The following SIRT3 variants were observed in gnomAD, a reference collection of about 807,000 sequenced individuals.
SIRT3 encodes sirtuin 3.
Under a neutral mutation model 33.5 loss-of-function variants are expected in SIRT3, and 26 were observed. The observed-to-expected ratio is 0.78, with a 90% CI of 0.57 to 1.08. The LOEUF (loss-of-function observed/expected upper bound fraction) is 1.08. Ranked by LOEUF, SIRT3 falls within the 50% of genes least tolerant of loss-of-function variation. The pLI, the probability that SIRT3 is intolerant of heterozygous loss-of-function variation, is 0.00. For missense variants in SIRT3, 585 were observed against 530.1 expected (o/e 1.10, Z -1.02); for synonymous variants, 237 against 222.1 (o/e 1.07, Z -0.60).
At chr11:233,563 A>G (rs1858419180) in intron 1 of SIRT3, 29 bp from the exon 2 acceptor site, 2 of 1,609,706 alleles carry the variant, frequency 1.2e-6, no homozygotes, top group East Asian at 4.5e-5. Flanking sequence ...GCAGCAAAGG[A>G]AACAGATAGC....
chr11:220,190 C>T (rs1211395520), intron 5 of SIRT3, among the ~76,000 whole-genome samples: 3 of 151,782 alleles, frequency 2.0e-5, no homozygotes, highest in Non-Finnish European at 4.4e-5. Flanking sequence ...CTTAGCTGGG[C>T]GTGGTGGCAC....
chr11:231,870 G>GCCAGGAAACTGCT (rs148370769), intron 3 of SIRT3, among the ~76,000 whole-genome samples: 1 of 150,746 alleles, frequency 6.6e-6, no homozygotes, highest in Admixed American at 6.6e-5. Flanking sequence ...CTCTCCGGGA[G>GCCAGGAAACTGCT]CCTGGCTCCC....
rs199653122 is a variant in SIRT3, at chr11:216,494, G to C, written c.*204C>G. ...AGGCAGCTCCTTTGTATATGTGACG[G>C]GGTGGCCCTGACTGTAAACACAGCC... On this transcript the variant is annotated 3_prime_UTR_variant, in exon 7 of 7. Coordinates refer to ENST00000382743, the MANE Select transcript of SIRT3 (RefSeq NM_012239.6). 1 of 603,316 alleles carries C rather than the reference G, an allele frequency of 1.7e-6. No homozygotes were observed. The highest frequency in any genetic ancestry group is 1.8e-5 in the African/African-American group (1 of 54,132). The allele number at this position is 603,316 out of a possible 1,614,324, so 37.4% of individuals were successfully genotyped here.
At chr11:221,659 A>G (rs6421986) in intron 5 of SIRT3, among the ~76,000 whole-genome samples, 118,737 of 152,216 alleles carry the variant, frequency 0.78, 46,528 homozygotes, top group African/African-American at 0.85. Context: ...CACAAAGCAC[A>G]TGAGATAGAG....
At chr11:236,417 C>CA, upstream of SIRT3, 1 of 910,770 alleles carries the variant, frequency 1.1e-6, no homozygotes, top group Non-Finnish European at 1.3e-6. Flanking sequence ...CCCCGGCGCC[C>CA]CAGCCCCGCC....
At chr11:232,339 G>A (rs572855) in intron 3 of SIRT3, among the ~76,000 whole-genome samples, 2,467 of 151,958 alleles carry the variant, frequency 0.016, 69 homozygotes, top group African/African-American at 0.056. Context: ...GGCTGGTCTC[G>A]AACTCCCGAC....
rs868391020 is a variant in SIRT3 at position 224,116 on chromosome 11, T to C, written c.931A>G (p.Met311Val). 1 of 1,614,156 alleles carries C rather than the reference T, an allele frequency of 6.2e-7. No homozygotes were observed. The highest frequency in any genetic ancestry group is 8.5e-7 in the Non-Finnish European group (1 of 1,180,046). The stretch of plus-strand genomic sequence containing the variant: ...CCAAGGATGAGCAGCAGATCTGCCA[T>C]GGGGAAATCAACCACATGCAGCAAG... The part of the protein sequence containing the change: ...RFLLHVVDFP[M>V]ADLLLILGTS... The change falls in exon 5 of 7, where the codon ATG (methionine) becomes GTG (valine). Residue 311 changes from methionine (M) to valine (V), a missense_variant. Met to Val is a conservative substitution (Grantham distance 21). Transcript: ENST00000382743.
At position 223,567 on chromosome 11, in the gene SIRT3, G is replaced by A. The variant is rs1378477012; in HGVS notation, c.969+511C>T. The A allele has an allele frequency of 2.4e-6, 1 of 410,318 alleles. No individual in the cohort carries two copies. Among genetic ancestry groups the A allele is most frequent in the East Asian group, 6.2e-5 (1 of 16,142 alleles). 25.4% of individuals were successfully genotyped at this position (410,318 alleles called of 1,614,324 possible). A position where few individuals can be genotyped will look rare whatever the true frequency, so the allele number is the denominator to read the frequency against. On this transcript the variant is annotated intron_variant, in intron 5 of 6. Transcript: ENST00000382743. This position sits in a 1 kb window ranked among gnomAD's most constrained non-coding sequence, Gnocchi z 4.8. ...TATCACTCCTCCCACTGCAGCATCAGTATTCCTGATCTGACCTGGGAGGCC... is the reference window on the plus strand; with the variant it reads ...TATCACTCCTCCCACTGCAGCATCAATATTCCTGATCTGACCTGGGAGGCC...
chr11:236,122 C>T lies in SIRT3; in HGVS notation c.207G>A (p.Arg69=), dbSNP rs763367247. Reference sequence around the variant, plus strand: ...CCCTGGGCACCTCGGGTCTGGGAGGCCTCTGCAAGGGGCGCGCCGGGTCCA... The same window carrying T: ...CCCTGGGCACCTCGGGTCTGGGAGGTCTCTGCAAGGGGCGCGCCGGGTCCA... ...EPLDPARPLQ[R]PPRPEVPRAF... is the part of the protein sequence containing the mutation. The change falls in exon 1 of 7, where the codon AGG becomes AGA. Residue 69 remains arginine (R), a synonymous_variant. Coordinates refer to ENST00000382743, the MANE Select transcript of SIRT3 (RefSeq NM_012239.6). The T allele has an allele frequency of 1.9e-6, 3 of 1,581,476 alleles. No individual in the cohort carries two copies. The highest frequency in any genetic ancestry group is 2.6e-6 in the Non-Finnish European group (3 of 1,164,542).
intron 3 of SIRT3, among the ~76,000 whole-genome samples, chr11:231,163 G>A (rs928202057): frequency 2.0e-5 from 3 of 152,106 alleles, no homozygotes; most frequent in African/African-American, 7.2e-5. Context: ...ACCAGGCTGG[G>A]TGCAGTGGCT....
chr11:217,949 A>G (rs568272496), intron 6 of SIRT3, among the ~76,000 whole-genome samples: 2 of 152,328 alleles, frequency 1.3e-5, no homozygotes, highest in Non-Finnish European at 2.9e-5. Flanking sequence ...AAGTCTCACA[A>G]GATCTGATAG....
chr11:224,408 T>C (rs1303733842), intron 4 of SIRT3, among the ~76,000 whole-genome samples, 169 bp from the exon 5 acceptor site: 4 of 152,234 alleles, frequency 2.6e-5, no homozygotes, highest in Non-Finnish European at 4.4e-5. Flanking sequence ...TCATAGCTAA[T>C]TGTTTCACAG....
At chr11:218,528 C>T (rs1240367446) in intron 6 of SIRT3, among the ~76,000 whole-genome samples, 1 of 152,226 alleles carries the variant, frequency 6.6e-6, no homozygotes, top group Admixed American at 6.5e-5. Context: ...TAGAGGGACA[C>T]TGTTGGCTGC....
chr11:219,996 A>G (rs1376222869), intron 5 of SIRT3, among the ~76,000 whole-genome samples: 1 of 152,238 alleles, frequency 6.6e-6, no homozygotes, highest in East Asian at 1.9e-4. Context: ...TTATAAACAT[A>G]TAATTTATGA....
chr11:220,340 A>G (rs1446098447), intron 5 of SIRT3, among the ~76,000 whole-genome samples: 1 of 150,368 alleles, frequency 6.7e-6, no homozygotes, highest in East Asian at 1.9e-4. Flanking sequence ...CAAAAAAAAA[A>G]AAAAAAAAAA....
rs771744672 is a variant in SIRT3 at position 236,311 on chromosome 11, C to T, written c.18G>A (p.Trp6Ter). The stretch of plus-strand genomic sequence containing the variant: ...ACAGCCGGAGGGCTGCCGCGGCGCG[C>T]CAACCCCAGAACGCCATGTTCCGCG... MAFWG[W>*]RAAAALRLWG... Residue 6 changes from tryptophan (W) to a stop codon, truncating the protein, a stop_gained, in exon 1 of 7, where the codon TGG becomes TGA. Coordinates refer to ENST00000382743, the MANE Select transcript of SIRT3 (RefSeq NM_012239.6). LOFTEE classifies it high-confidence loss of function. 1 of 1,517,228 alleles carries T rather than the reference C, an allele frequency of 6.6e-7. No individual in the cohort carries two copies. Among genetic ancestry groups the T allele is most frequent in the Admixed American group, 2.0e-5 (1 of 49,174 alleles). 94.0% of individuals were successfully genotyped at this position (1,517,228 alleles called of 1,614,324 possible).
chr11:227,864 C>T (rs1010474544), intron 4 of SIRT3, among the ~76,000 whole-genome samples: 4 of 152,166 alleles, frequency 2.6e-5, no homozygotes, highest in African/African-American at 9.7e-5. Context: ...TCAGGTGACC[C>T]GCCTGTCTAG....
Position 215,055 on chromosome 11 carries a change from C to T in SIRT3, c.*1643G>A, listed in dbSNP as rs544338522. 6.3e-6 allele frequency: 1 copy of T among 157,656 alleles called. No individual in the cohort carries two copies. The highest frequency in any genetic ancestry group is 5.9e-5 in the Admixed American group (1 of 16,966). 9.8% of individuals were successfully genotyped at this position (157,656 alleles called of 1,614,324 possible). A position where few individuals can be genotyped will look rare whatever the true frequency, so the allele number is the denominator to read the frequency against. On this transcript the variant is annotated 3_prime_UTR_variant, in exon 7 of 7. Coordinates refer to ENST00000382743, the MANE Select transcript of SIRT3 (RefSeq NM_012239.6). ...TGACCATAGATTGAGATTTATACCA[C>T]ATACCACACATAGCCACAGAAACAT...
intron 5 of SIRT3, among the ~76,000 whole-genome samples, chr11:220,741 A>G (rs961147378): frequency 2.0e-5 from 3 of 152,270 alleles, no homozygotes; most frequent in African/African-American, 7.2e-5. Context: ...GCATGGGTAG[A>G]TAAGGATGAT....
Sources: allele counts gnomAD v4.1 joint callset (sites outside exome capture counted in the v4.1 genomes callset), GRCh38; gene constraint gnomAD v4.1.1; non-coding constraint Gnocchi (gnomAD v3.1); transcripts MANE v1.5; gene names NCBI Gene and HGNC (gene_info 2026-07-23, HGNC 2026-07-21).